Variants in MDFIC observed in about 807,000 individuals in gnomAD.
The protein encoded by MDFIC is MyoD family inhibitor domain containing, also known as myoD family inhibitor domain-containing protein.
MDFIC carries 17 observed loss-of-function variants against 23.2 expected under a neutral mutation model. The observed-to-expected ratio is 0.73, with a 90% CI of 0.50 to 1.10. The LOEUF is 1.10. Ranked by LOEUF, MDFIC falls within the 50% of genes least tolerant of loss-of-function variation. The probability of loss-of-function intolerance (pLI) is 0.00; values close to 1 mark genes in which losing one functional copy is unlikely to be tolerated. For missense variants in MDFIC, 356 were observed against 316.6 expected (o/e 1.12, Z -0.95); for synonymous variants, 120 against 115.2 (o/e 1.04, Z -0.27).
At chr7:114,944,741 T>C (rs916734225) in intron 3 of MDFIC, among the ~76,000 whole-genome samples, 13 of 152,190 alleles carry the variant, frequency 8.5e-5, no homozygotes, top group African/African-American at 2.9e-4. Context: ...CTCGCACATT[T>C]TGGGGGCCCA....
At chr7:114,996,650 T>C (rs971231850) in intron 4 of MDFIC, among the ~76,000 whole-genome samples, 1 of 152,300 alleles carries the variant, frequency 6.6e-6, no homozygotes, top group African/African-American at 2.4e-5. Flanking sequence ...CACTGGCAAC[T>C]GGGGTTCTCA....
intron 2 of MDFIC, among the ~76,000 whole-genome samples, chr7:114,933,227 A>G (rs2115715542): frequency 6.6e-6 from 1 of 151,224 alleles, no homozygotes; most frequent in African/African-American, 2.4e-5. Context: ...TCATTTAAAA[A>G]GGGGAAGATG....
intron 3 of MDFIC, among the ~76,000 whole-genome samples, chr7:114,957,098 A>T (rs1045426558): frequency 6.6e-6 from 1 of 152,164 alleles, no homozygotes; most frequent in East Asian, 1.9e-4. Flanking sequence ...CAAAAGAATG[A>T]TTATAATTTG....
chr7:114,960,875 A>G (rs552457519), intron 3 of MDFIC, among the ~76,000 whole-genome samples: 1 of 152,302 alleles, frequency 6.6e-6, no homozygotes, highest in African/African-American at 2.4e-5. Context: ...ATATGTGAAG[A>G]CATTTCTTCA....
At chr7:114,966,108 G>A (rs1385561053) in intron 3 of MDFIC, among the ~76,000 whole-genome samples, 1 of 152,098 alleles carries the variant, frequency 6.6e-6, no homozygotes, top group African/African-American at 2.4e-5. Context: ...TTGAAGATAA[G>A]CATTGATTAA....
intron 4 of MDFIC, among the ~76,000 whole-genome samples, chr7:114,988,784 A>G (rs1436158843): frequency 1.3e-5 from 2 of 152,228 alleles, no homozygotes; most frequent in African/African-American, 2.4e-5. Flanking sequence ...TTGGAAATAT[A>G]CAAATGGAGC....
At chr7:114,960,800 A>C (rs1373775151) in intron 3 of MDFIC, among the ~76,000 whole-genome samples, 1 of 152,200 alleles carries the variant, frequency 6.6e-6, no homozygotes, top group African/African-American at 2.4e-5. Flanking sequence ...TAGTAAATTA[A>C]TAATACATTT....
Position 114,947,305 on chromosome 7 carries a change from C to T in MDFIC, c.217+4908C>T, listed in dbSNP as rs1036531949. On this transcript the variant is annotated intron_variant, in intron 3 of 4. Transcript: ENST00000393486. Reference sequence around the variant, plus strand: ...ACTTTTGCCTTGCTCAATGTCTTTTCCTCCTCCATTTGGCTCTCAGAAAAA... The same window carrying T: ...ACTTTTGCCTTGCTCAATGTCTTTTTCTCCTCCATTTGGCTCTCAGAAAAA... Among the ~76,000 whole-genome samples, 7 of 152,280 alleles carry T rather than the reference C, an allele frequency of 4.6e-5. No individual in the cohort carries two copies. In the East Asian group the frequency reaches 1.4e-3, roughly 29 times the overall value.
intron 4 of MDFIC, among the ~76,000 whole-genome samples, chr7:115,012,896 T>C (rs992942178): frequency 6.6e-6 from 1 of 152,080 alleles, no homozygotes; most frequent in Admixed American, 6.5e-5. Flanking sequence ...GGAAAATCGC[T>C]TGAACCCAGG....
rs533492004 is a variant in MDFIC at position 114,984,385 on chromosome 7, C to T, written c.493+4604C>T. Among the ~76,000 whole-genome samples the T allele has an allele frequency of 9.2e-4, 140 of 151,954 alleles. 1 individual carries two copies. Among genetic ancestry groups the T allele is most frequent in the Non-Finnish European group, 1.3e-3 (91 of 68,024 alleles). ...TAAAAAAGTTTCTCATGAGTTAACA[C>T]GTGATACAATGCTCTATTCCAAATC... On this transcript the variant is annotated intron_variant, in intron 4 of 4. Coordinates refer to ENST00000393486, the MANE Select transcript of MDFIC (RefSeq NM_001166345.3).
intron 3 of MDFIC, among the ~76,000 whole-genome samples, chr7:114,974,709 G>GT (rs1042192636): frequency 1.3e-5 from 2 of 151,948 alleles, no homozygotes; most frequent in Non-Finnish European, 2.9e-5. Context: ...AATATCACCA[G>GT]TTTTTTAAAA....
At chr7:114,993,728 T>A (rs571298599) in intron 4 of MDFIC, among the ~76,000 whole-genome samples, 1 of 152,220 alleles carries the variant, frequency 6.6e-6, no homozygotes, top group South Asian at 2.1e-4. Context: ...TTGTTATAAT[T>A]TCTGTTCTTT....
At chr7:114,953,617 A>C (rs373983808) in intron 3 of MDFIC, among the ~76,000 whole-genome samples, 1 of 151,984 alleles carries the variant, frequency 6.6e-6, no homozygotes, top group Non-Finnish European at 1.5e-5. Flanking sequence ...TATGGCTGTG[A>C]CTCTTTATGC....
rs1037370768 is a variant in MDFIC, at chr7:115,019,427, C to A, written c.*3492C>A. 7.9e-5 allele frequency among the ~76,000 whole-genome samples: 12 copies of A among 152,044 alleles called. 1 individual carries two copies. Among genetic ancestry groups the A allele is most frequent in the Admixed American group, 7.9e-4 (12 of 15,248 alleles). On this transcript the variant is annotated 3_prime_UTR_variant, in exon 5 of 5. Coordinates refer to ENST00000393486, the MANE Select transcript of MDFIC (RefSeq NM_001166345.3). The stretch of plus-strand genomic sequence containing the variant: ...CAACCTTATGTAATAACTTTCCATT[C>A]TTTATCCATACAAACTCTTTCAGTG...
chr7:114,972,530 G>T (rs538931341), intron 3 of MDFIC, among the ~76,000 whole-genome samples: 2 of 152,150 alleles, frequency 1.3e-5, no homozygotes, highest in Non-Finnish European at 2.9e-5. Context: ...AGTAAGGTGG[G>T]ATGGATACTT....
chr7:114,937,493 A>G (rs1792448922), intron 2 of MDFIC, among the ~76,000 whole-genome samples: 1 of 152,190 alleles, frequency 6.6e-6, no homozygotes, highest in Non-Finnish European at 1.5e-5. Context: ...GCTCTTGTGA[A>G]GAATCAGATT....
At chr7:114,964,855 C>G (rs141155963) in intron 3 of MDFIC, among the ~76,000 whole-genome samples, 1 of 152,222 alleles carries the variant, frequency 6.6e-6, no homozygotes, top group South Asian at 2.1e-4. Context: ...GGCCCCTTGA[C>G]GTCATTTTTC....
At chr7:115,011,334 C>T (rs544191387) in intron 4 of MDFIC, among the ~76,000 whole-genome samples, 2 of 151,942 alleles carry the variant, frequency 1.3e-5, no homozygotes, top group Middle Eastern at 3.4e-3. Context: ...GAGTTTAGTA[C>T]AAAGTAATTT....
In MDFIC at chr7:114,922,376, G is replaced by C. The variant is rs75938219; in HGVS notation, c.-368G>C. 8.1e-7 allele frequency: 1 copy of C among 1,232,610 alleles called. No individual in the cohort carries two copies. 76.4% of individuals were successfully genotyped at this position (1,232,610 alleles called of 1,614,324 possible). ...AGAGAGGGGGAAGGCCCCCTCGCAGGGGAGCCGGCTGGAGTGAGCTGGCTG... is the reference window on the plus strand; with the variant it reads ...AGAGAGGGGGAAGGCCCCCTCGCAGCGGAGCCGGCTGGAGTGAGCTGGCTG... On this transcript the variant is annotated 5_prime_UTR_variant, in exon 1 of 5. Coordinates refer to ENST00000393486, the MANE Select transcript of MDFIC (RefSeq NM_001166345.3).
Sources: allele counts gnomAD v4.1 joint callset (sites outside exome capture counted in the v4.1 genomes callset), GRCh38; gene constraint gnomAD v4.1.1; transcripts MANE v1.5; gene names NCBI Gene and HGNC (gene_info 2026-07-23, HGNC 2026-07-21).